Variants in TMEM167B observed in about 807,000 individuals in gnomAD.
TMEM167B encodes the protein protein kish-B.
A neutral mutation model predicts 9.4 loss-of-function variants in TMEM167B; 2 were observed. The observed-to-expected ratio is 0.21, with a 90% CI of 0.09 to 0.67. TMEM167B has a LOEUF of 0.67. TMEM167B is among the 30% of genes least tolerant of loss of function. The pLI is 0.82. For missense variants in TMEM167B, 68 were observed against 87.6 expected, an observed-to-expected ratio of 0.78 and a Z score of 0.89; for synonymous variants, 28 against 32.0, an observed-to-expected ratio of 0.87 and a Z score of 0.42.
chr1:109,091,189 T>C (rs528533083), intron 1 of TMEM167B, among the ~76,000 whole-genome samples: 1 of 152,328 alleles, frequency 6.6e-6, no homozygotes, highest in East Asian at 1.9e-4. Context: ...GTACTACTGC[T>C]ATTTAAACCC....
chr1:109,091,088 T>C (rs148983060), intron 1 of TMEM167B, among the ~76,000 whole-genome samples: 1 of 152,242 alleles, frequency 6.6e-6, no homozygotes, highest in East Asian at 1.9e-4. Flanking sequence ...GTGCCTCTTA[T>C]GCTCACACCT....
Position 109,095,920 on chromosome 1 carries a change from G to A in TMEM167B, c.*1421G>A, listed in dbSNP as rs1036068829. 1.3e-5 allele frequency: 2 copies of A among 152,180 alleles called. No homozygotes were observed. The highest frequency in any genetic ancestry group is 6.5e-5 in the Admixed American group (1 of 15,268). 9.4% of individuals were successfully genotyped at this position (152,180 alleles called of 1,614,324 possible). On this transcript the variant is annotated 3_prime_UTR_variant, in exon 3 of 3. Coordinates refer to ENST00000338272, the MANE Select transcript of TMEM167B (RefSeq NM_020141.4). Reference sequence around the variant, plus strand: ...GAACTTCTCTATTTAAAAAAAAAGAGTAGGTCTAAAATTAAATTATTATAA... The same window carrying A: ...GAACTTCTCTATTTAAAAAAAAAGAATAGGTCTAAAATTAAATTATTATAA...
intron 1 of TMEM167B, chr1:109,091,751 A>G (rs1664455678): frequency 1.3e-5 from 2 of 152,206 alleles, no homozygotes; most frequent in African/African-American, 4.8e-5. Flanking sequence ...ACGTGAAGGT[A>G]TAGTTCCTCA....
intron 2 of TMEM167B, 118 bp downstream of exon 2, chr1:109,093,139 T>C: frequency 1.5e-6 from 2 of 1,378,802 alleles, no homozygotes; most frequent in East Asian, 2.3e-5. Flanking sequence ...AAAAAATCCC[T>C]CCGATTGGGT....
chr1:109,090,992 C>T, intron 1 of TMEM167B, 110 bp downstream of exon 1: 1 of 1,341,654 alleles, frequency 7.5e-7, no homozygotes, highest in Non-Finnish European at 1.0e-6. Flanking sequence ...CCAGCCCGGC[C>T]CCCCTTGGCC....
intron 2 of TMEM167B, chr1:109,093,350 G>C: frequency 4.0e-6 from 1 of 247,178 alleles, no homozygotes; most frequent in South Asian, 4.7e-5. Flanking sequence ...AAATTAGCCA[G>C]GTATGGTGGC....
rs1348275830 is a variant in TMEM167B, at chr1:109,095,924, G to T, written c.*1425G>T. On this transcript the variant is annotated 3_prime_UTR_variant, in exon 3 of 3. Coordinates refer to ENST00000338272, the MANE Select transcript of TMEM167B (RefSeq NM_020141.4). ...TTCTCTATTTAAAAAAAAAGAGTAG[G>T]TCTAAAATTAAATTATTATAAGCAA... The T allele has an allele frequency of 6.6e-6, 1 of 152,144 alleles. No homozygotes were observed. The highest frequency in any genetic ancestry group is 2.4e-5 in the African/African-American group (1 of 41,426). 9.4% of individuals were successfully genotyped at this position (152,144 alleles called of 1,614,324 possible).
At chr1:109,091,677 C>T (rs1424707696) in intron 1 of TMEM167B, 1 of 152,182 alleles carries the variant, frequency 6.6e-6, no homozygotes, top group East Asian at 1.9e-4. Context: ...ACTGAAGACT[C>T]GAATTTAACC....
At chr1:109,093,369 G>A (rs1325496280) in intron 2 of TMEM167B, 2 of 220,520 alleles carry the variant, frequency 9.1e-6, no homozygotes, top group African/African-American at 4.6e-5. Flanking sequence ...GCACGTGCCT[G>A]TAGTCCCAGT....
intron 2 of TMEM167B, chr1:109,093,237 ATC>A: frequency 1.7e-6 from 1 of 571,528 alleles, no homozygotes; most frequent in East Asian, 3.5e-5. Flanking sequence ...CATGCCTATA[ATC>A]TCAGCACTTT....
Position 109,090,813 on chromosome 1 carries a change from C to A in TMEM167B, c.-60C>A, listed in dbSNP as rs976275855. The A allele has an allele frequency of 1.3e-6, 2 of 1,560,240 alleles. No individual in the cohort carries two copies. The highest frequency in any genetic ancestry group is 1.7e-6 in the Non-Finnish European group (2 of 1,151,400). On this transcript the variant is annotated 5_prime_UTR_variant, in exon 1 of 3. Transcript: ENST00000338272. ...GGGAAGTGTCAAGCGGGCGCTCCCC[C>A]ATCTCCGCCGCTATTACCACTGAAC... is the stretch of plus-strand genomic sequence containing the variant.
Position 109,094,488 on chromosome 1 carries a change from T to C in TMEM167B, c.214T>C (p.Phe72Leu). 6.2e-7 allele frequency: 1 copy of C among 1,613,862 alleles called. No individual in the cohort carries two copies. Among genetic ancestry groups the C allele is most frequent in the South Asian group, 1.1e-5 (1 of 91,072 alleles). Residue 72 changes from phenylalanine to leucine, a missense_variant, in exon 3 of 3, where the codon TTT becomes CTT. Transcript: ENST00000338272. ...TGTTGTAATGGCCTTTTACGTCCTG[T>C]TTATAAAATGAATTCCAAAGCACCC... is the stretch of plus-strand genomic sequence containing the variant. The part of the protein sequence containing the change: ...ACVVMAFYVL[F>L]IK
Position 109,096,016 on chromosome 1 carries a change from G to A in TMEM167B, c.*1517G>A, listed in dbSNP as rs1254635113. ...AAACTTAATGGTGGACAAGTTAGCT[G>A]TGGTTGATTCCTGTGTGGCAGTAAA... On this transcript the variant is annotated 3_prime_UTR_variant, in exon 3 of 3. Coordinates refer to ENST00000338272, the MANE Select transcript of TMEM167B (RefSeq NM_020141.4). 6.6e-6 allele frequency: 1 copy of A among 152,238 alleles called. No homozygotes were observed. The highest frequency in any genetic ancestry group is 1.5e-5 in the Non-Finnish European group (1 of 68,042). The allele number at this position is 152,238 out of a possible 1,614,324, so 9.4% of individuals were successfully genotyped here. A position where few individuals can be genotyped will look rare whatever the true frequency, so the allele number is the denominator to read the frequency against.
chr1:109,092,467 T>A (rs1309548711), intron 1 of TMEM167B, among the ~76,000 whole-genome samples: 1 of 152,202 alleles, frequency 6.6e-6, no homozygotes, highest in Admixed American at 6.5e-5. Flanking sequence ...TGTCTCAATC[T>A]ATTGCCAACA....
At position 109,090,789 on chromosome 1, in the gene TMEM167B, G is replaced by A; in HGVS notation, c.-84G>A. On this transcript the variant is annotated 5_prime_UTR_variant, in exon 1 of 3. Transcript: ENST00000338272. ...CTTCCAGTCACCTCGGCCCGGATCGGGAAGTGTCAAGCGGGCGCTCCCCCA... is the reference window on the plus strand; with the variant it reads ...CTTCCAGTCACCTCGGCCCGGATCGAGAAGTGTCAAGCGGGCGCTCCCCCA... The A allele has an allele frequency of 6.6e-7, 1 of 1,519,384 alleles. No individual in the cohort carries two copies. The highest frequency in any genetic ancestry group is 1.4e-5 in the African/African-American group (1 of 72,476). The allele number at this position is 1,519,384 out of a possible 1,614,324, so 94.1% of individuals were successfully genotyped here. A position where few individuals can be genotyped will look rare whatever the true frequency, so the allele number is the denominator to read the frequency against.
intron 1 of TMEM167B, 145 bp downstream of exon 1, chr1:109,091,027 C>T (rs1351412980): frequency 6.4e-6 from 6 of 935,254 alleles, no homozygotes; most frequent in African/African-American, 5.1e-5. Context: ...ACTTCTGTAC[C>T]CCTATACTCC....
chr1:109,093,858 C>G (rs1258946986), intron 2 of TMEM167B: 3 of 152,706 alleles, frequency 2.0e-5, no homozygotes, highest in African/African-American at 7.2e-5. Context: ...TCTCAGAGGC[C>G]GGATGCGGTG....
chr1:109,093,377 A>G (rs576558868), intron 2 of TMEM167B: 30 of 211,678 alleles, frequency 1.4e-4, no homozygotes, highest in African/African-American at 6.0e-4. Flanking sequence ...CTGTAGTCCC[A>G]GTTACTCAGG....
chr1:109,092,914 T>G lies in TMEM167B; in HGVS notation c.35T>G (p.Val12Gly). 1 of 1,614,112 alleles carries G rather than the reference T, an allele frequency of 6.2e-7. No homozygotes were observed. The highest frequency in any genetic ancestry group is 8.5e-7 in the Non-Finnish European group (1 of 1,180,016). ...TNVYSLDGIL[V>G]FGLLFVCTCA... ...GTGTACTCCTTGGATGGGATTCTGG[T>G]GTTTGGTTTGCTCTTTGTTTGCACC... Residue 12 changes from valine to glycine, a missense_variant, in exon 2 of 3, where the codon GTG becomes GGG. Transcript: ENST00000338272.
Sources: allele counts gnomAD v4.1 joint callset (sites outside exome capture counted in the v4.1 genomes callset), GRCh38; gene constraint gnomAD v4.1.1; transcripts MANE v1.5; gene names NCBI Gene and HGNC (gene_info 2026-07-23, HGNC 2026-07-21).